Variants in TNC observed in about 807,000 individuals in gnomAD.
The protein encoded by TNC is tenascin.
Under a neutral mutation model 202.4 loss-of-function variants are expected in TNC, and 109 were observed. The ratio of observed to expected loss-of-function variants is 0.54; its 90% CI spans 0.46 to 0.63. The LOEUF (loss-of-function observed/expected upper bound fraction) is 0.63. Among genes scored for constraint, TNC ranks in the 30% least tolerant of loss-of-function variants. The pLI is 0.00. For synonymous variants in TNC, 1,007 were observed against 1,089.7 expected (o/e 0.92, Z 1.50); for missense variants, 2,756 against 2,833.3 (o/e 0.97, Z 0.62).
intron 1 of TNC, among the ~76,000 whole-genome samples, chr9:115,098,338 G>T (rs1284543020): frequency 6.6e-6 from 1 of 152,170 alleles, no homozygotes; most frequent in Non-Finnish European, 1.5e-5. Flanking sequence ...CTGCCTCTTG[G>T]CTTGCTGTCA....
intron 24 of TNC, 108 bp from the exon 25 acceptor site, chr9:115,029,564 C>T: frequency 9.3e-7 from 1 of 1,073,962 alleles, no homozygotes; most frequent in Non-Finnish European, 1.4e-6. Context: ...AGGCTCCATT[C>T]TGTCCATCCC....
intron 27 of TNC, among the ~76,000 whole-genome samples, chr9:115,021,940 G>A (rs754359412): frequency 6.6e-6 from 1 of 152,180 alleles, no homozygotes; most frequent in Non-Finnish European, 1.5e-5. Flanking sequence ...GCACGTCGTA[G>A]GTGCTTGGTA....
At chr9:115,085,096 G>A (rs1245381528) in intron 3 of TNC, among the ~76,000 whole-genome samples, 5 of 152,180 alleles carry the variant, frequency 3.3e-5, no homozygotes, top group Non-Finnish European at 7.3e-5. Context: ...GATGAGAGGA[G>A]TACAAAGAAG....
intron 21 of TNC, 36 bp downstream of exon 21, chr9:115,036,062 A>T (rs757425817): frequency 4.0e-5 from 64 of 1,612,774 alleles, no homozygotes; most frequent in Non-Finnish European, 5.2e-5. Context: ...TGGGCACCCC[A>T]GAAGGGAGAG....
Position 115,062,963 on chromosome 9 carries a change from C to T in TNC, c.3987G>A (p.Glu1329=), listed in dbSNP as rs776430821. The change falls in exon 13 of 28, where the codon GAG becomes GAA. Residue 1329 remains glutamate, a synonymous_variant. Transcript: ENST00000350763. The stretch of plus-strand genomic sequence containing the variant: ...GGGGTCGAGTGCTGTGGCCCCTGAC[C>T]TCGCCGTGCAGGGTGACTGTGTAAG... ...GTPYTVTLHG[E]VRGHSTRPLA... is the part of the protein sequence containing the mutation. 6.2e-7 allele frequency: 1 copy of T among 1,614,018 alleles called. No homozygotes were observed.
In TNC at chr9:115,042,258, C is replaced by T. The variant is rs1455612348; in HGVS notation, c.5209G>A (p.Val1737Met). ...TVSWRAPTAQVESFRITYVPI... is the reference protein window; with the variant it reads ...TVSWRAPTAQMESFRITYVPI... ...ACATAGGTAATCCGGAAGCTCTCCA[C>T]TTGGGCTGTGGGTGCCCTCCAGCTG... is the stretch of plus-strand genomic sequence containing the variant. The change falls in exon 18 of 28, where the codon GTG becomes ATG. Residue 1737 changes from valine (V) to methionine (M), a missense_variant. Coordinates refer to ENST00000350763, the MANE Select transcript of TNC (RefSeq NM_002160.4). 5.0e-6 allele frequency: 8 copies of T among 1,614,048 alleles called. No individual in the cohort carries two copies. Among genetic ancestry groups the T allele is most frequent in the African/African-American group, 1.3e-5 (1 of 74,944 alleles).
At chr9:115,025,619 C>T (rs914005124) in intron 26 of TNC, among the ~76,000 whole-genome samples, 1 of 152,016 alleles carries the variant, frequency 6.6e-6, no homozygotes, top group African/African-American at 2.4e-5. Context: ...TTGCATCCAC[C>T]TTCTACAAGC....
rs1834396063 is a variant in TNC at position 115,082,735 on chromosome 9, A to G, written c.2204T>C (p.Leu735Pro). 1 of 1,614,030 alleles carries G rather than the reference A, an allele frequency of 6.2e-7. No individual in the cohort carries two copies. Among genetic ancestry groups the G allele is most frequent in the Admixed American group, 1.7e-5 (1 of 59,998 alleles). Reference sequence around the variant, plus strand: ...CTCCCAGGTTTCAAAAGCAATGTCTAGAGGATCCCACTCCACTTCCACAGA... The same window carrying G: ...CTCCCAGGTTTCAAAAGCAATGTCTGGAGGATCCCACTCCACTTCCACAGA... Reference protein sequence around the residue: ...ETSVEVEWDPLDIAFETWEII... With the variant: ...ETSVEVEWDPPDIAFETWEII... Residue 735 changes from leucine to proline, a missense_variant, in exon 5 of 28, where the codon CTA (leucine) becomes CCA (proline). This residue lies in a region of TNC where 2,559 missense variants were observed against 2,546.0 expected (regional missense o/e 1.01). Transcript: ENST00000350763.
chr9:115,043,666 C>T (rs879233513), intron 17 of TNC, among the ~76,000 whole-genome samples: 2 of 152,200 alleles, frequency 1.3e-5, no homozygotes, highest in Admixed American at 1.3e-4. Flanking sequence ...CAATGTCCCT[C>T]TTTCCTCCAT....
At chr9:115,034,666 C>G (rs1004534064) in intron 22 of TNC, among the ~76,000 whole-genome samples, 2 of 152,114 alleles carry the variant, frequency 1.3e-5, no homozygotes, top group African/African-American at 2.4e-5. Context: ...AATTCAATAA[C>G]AAGTTTGGAA....
chr9:115,108,007 A>T (rs1305013960), intron 1 of TNC, among the ~76,000 whole-genome samples: 1 of 152,176 alleles, frequency 6.6e-6, no homozygotes, highest in African/African-American at 2.4e-5. Context: ...GATATTGGCG[A>T]GTTTCCGTTG....
Position 115,086,546 on chromosome 9 carries a change from A to G in TNC, c.1185T>C (p.Asp395=), listed in dbSNP as rs1420850830. Residue 395 remains aspartate (D), a synonymous_variant, in exon 3 of 28, where the codon GAT becomes GAC. Transcript: ENST00000350763. ...GRCVDGRCEC[D]DGFTGADCGE... ...CACAGTCAGCTCCAGTGAAACCATC[A>G]TCACACTCACACCGCCCGTCTACAC... 15 of 1,613,482 alleles carry G rather than the reference A, an allele frequency of 9.3e-6. No individual in the cohort carries two copies. The highest frequency in any genetic ancestry group is 1.2e-5 in the Non-Finnish European group (14 of 1,179,856).
At chr9:115,035,886 G>T in intron 21 of TNC, 1 of 539,388 alleles carries the variant, frequency 1.9e-6, no homozygotes, top group Non-Finnish European at 3.2e-6. Context: ...CTTCCCCGTG[G>T]GGAGACCAAG....
At chr9:115,080,874 T>G (rs1193278027) in intron 6 of TNC, among the ~76,000 whole-genome samples, 1 of 149,462 alleles carries the variant, frequency 6.7e-6, no homozygotes, top group African/African-American at 2.5e-5. Flanking sequence ...ATCGTTCCAC[T>G]GCACTCCAGC....
intron 12 of TNC, 40 bp from the exon 13 acceptor site, chr9:115,063,229 C>A (rs1832690215): frequency 1.2e-6 from 2 of 1,600,824 alleles, no homozygotes; most frequent in Non-Finnish European, 1.7e-6. Flanking sequence ...CTTAAAAAGG[C>A]AATTGCACGC....
intron 7 of TNC, among the ~76,000 whole-genome samples, chr9:115,077,494 C>T (rs533877352): frequency 6.6e-6 from 1 of 152,332 alleles, no homozygotes; most frequent in African/African-American, 2.4e-5. Context: ...CCGGCCTCCT[C>T]ATCATATTTC....
At position 115,057,264 on chromosome 9, in the gene TNC, C is replaced by T. The variant is rs1245019976; in HGVS notation, c.4468G>A (p.Glu1490Lys). ...ETVEYNISGA[E>K]RTAHISGLPP... ...AGCCCTGAGATATGGGCAGTTCGTT[C>T]AGCACCAGAGATATTATATTCCACA... The change falls in exon 15 of 28, where the codon GAA becomes AAA. Residue 1490 changes from glutamate (E) to lysine (K), a missense_variant. Transcript: ENST00000350763. 3 of 1,614,154 alleles carry T rather than the reference C, an allele frequency of 1.9e-6. No homozygotes were observed. Among genetic ancestry groups the T allele is most frequent in the Non-Finnish European group, 2.5e-6 (3 of 1,180,032 alleles).
Position 115,030,278 on chromosome 9 carries a change from C to T in TNC, c.6048G>A (p.Met2016Ile), listed in dbSNP as rs763463262. ...KAEALEVFCD[M>I]TSDGGGWIVF... Reference sequence around the variant, plus strand: ...CAATCCATCCACCCCCATCAGAGGTCATGTCACAGAAGACTTCCAGCGCCT... The same window carrying T: ...CAATCCATCCACCCCCATCAGAGGTTATGTCACAGAAGACTTCCAGCGCCT... The change falls in exon 24 of 28, where the codon ATG becomes ATA. Residue 2016 changes from methionine to isoleucine, a missense_variant. This residue lies in a region of TNC where 197 missense variants were observed against 287.3 expected (regional missense o/e 0.69). Coordinates refer to ENST00000350763, the MANE Select transcript of TNC (RefSeq NM_002160.4). 8 of 1,612,690 alleles carry T rather than the reference C, an allele frequency of 5.0e-6. No individual in the cohort carries two copies. Among genetic ancestry groups the T allele is most frequent in the Non-Finnish European group, 8.5e-7 (1 of 1,178,970 alleles).
Position 115,073,847 on chromosome 9 carries a change from G to C in TNC, c.2970C>G (p.Asp990Glu), listed in dbSNP as rs1194613868. Residue 990 changes from aspartate (D) to glutamate (E), a missense_variant, in exon 10 of 28, where the codon GAC (aspartate) becomes GAG (glutamate). By Grantham distance (45) the Asp-to-Glu change is conservative. Around this residue, in one of 2 missense-constraint regions of TNC, gnomAD observed 2,559 missense variants for 2,546.0 expected, o/e 1.01. Transcript: ENST00000350763. ...NAATELDTPKDLQVSETAETS... is the reference protein window; with the variant it reads ...NAATELDTPKELQVSETAETS... ...TCTCTGCAGTTTCAGAAACCTGAAG[G>C]TCCTTGGGCGTGTCCAACTCTGGGA... 6.2e-7 allele frequency: 1 copy of C among 1,611,236 alleles called. No homozygotes were observed. Among genetic ancestry groups the C allele is most frequent in the Non-Finnish European group, 8.5e-7 (1 of 1,179,986 alleles).
Sources: gnomAD v4.1 joint callset for allele counts (sites outside exome capture counted in the v4.1 genomes callset) on GRCh38, gnomAD v4.1.1 for gene constraint, gnomAD v4.1.1 regional missense constraint, MANE v1.5 for transcripts, NCBI Gene and HGNC (gene_info 2026-07-23, HGNC 2026-07-21) for gene names.